NUP214: variants seen among roughly 807,000 people sequenced by gnomAD.
NUP214 encodes nuclear pore complex protein Nup214.
Under a neutral mutation model 196.2 loss-of-function variants are expected in NUP214, and 79 were observed. The observed-to-expected ratio is 0.40, with a 90% CI of 0.34 to 0.49. The LOEUF (loss-of-function observed/expected upper bound fraction) is 0.49. Among genes scored for constraint, NUP214 ranks in the 20% least tolerant of loss-of-function variants. NUP214 has a pLI of 0.58. For missense variants in NUP214, 2,468 were observed against 2,539.0 expected (o/e 0.97, Z 0.60); for synonymous variants, 1,020 against 990.5 (o/e 1.03, Z -0.56).
chr9:131,130,932 T>A, intron 5 of NUP214, 96 bp downstream of exon 5: 1 of 859,770 alleles, frequency 1.2e-6, no homozygotes, highest in African/African-American at 1.7e-5. Flanking sequence ...TATTAAAAAG[T>A]AATTTATACT....
rs1833872193 is a variant in NUP214 at position 131,198,908 on chromosome 9, C to G, written c.5414C>G (p.Ala1805Gly). 2 of 1,614,188 alleles carry G rather than the reference C, an allele frequency of 1.2e-6. No homozygotes were observed. The highest frequency in any genetic ancestry group is 4.5e-5 in the East Asian group (2 of 44,888). ...GGLFGQSNAP[A>G]FGQSPGFGQG... The stretch of plus-strand genomic sequence containing the variant: ...CTGTTTGGCCAAAGCAACGCTCCTG[C>G]TTTTGGGCAGAGTCCTGGCTTTGGA... The change falls in exon 29 of 36, where the codon GCT (alanine) becomes GGT (glycine). Residue 1805 changes from alanine to glycine, a missense_variant. Transcript: ENST00000359428.
chr9:131,212,091 G>C (rs1276709126), intron 30 of NUP214, among the ~76,000 whole-genome samples: 1 of 152,148 alleles, frequency 6.6e-6, no homozygotes, highest in Non-Finnish European at 1.5e-5. Context: ...GGCCACTCTA[G>C]GAGTGTCTGT....
At chr9:131,148,118 C>T (rs1307255154) in intron 14 of NUP214, among the ~76,000 whole-genome samples, 1 of 152,186 alleles carries the variant, frequency 6.6e-6, no homozygotes. Context: ...ACCCGGGAGG[C>T]GGAGGCCAGA....
At position 131,234,545 on chromosome 9, in the gene NUP214, G is replaced by A. The variant is rs1834960995; in HGVS notation, c.*1058G>A. The A allele has an allele frequency of 4.3e-6, 1 of 231,924 alleles. No homozygotes were observed. Among genetic ancestry groups the A allele is most frequent in the South Asian group, 1.8e-4 (1 of 5,524 alleles). The allele number at this position is 231,924 out of a possible 1,614,324, so 14.4% of individuals were successfully genotyped here. A position where few individuals can be genotyped will look rare whatever the true frequency, so the allele number is the denominator to read the frequency against. On this transcript the variant is annotated 3_prime_UTR_variant, in exon 36 of 36. Coordinates refer to ENST00000359428, the MANE Select transcript of NUP214 (RefSeq NM_005085.4). ...TCTCTTTCAGGCCCAGAATCTGACAGTGCTTTGGCTTGGGTCATGAGCAGC... is the reference window on the plus strand; with the variant it reads ...TCTCTTTCAGGCCCAGAATCTGACAATGCTTTGGCTTGGGTCATGAGCAGC...
chr9:131,214,364 C>T (rs1020711469), intron 30 of NUP214, among the ~76,000 whole-genome samples: 2 of 152,170 alleles, frequency 1.3e-5, no homozygotes, highest in African/African-American at 4.8e-5. Context: ...GTAATTCACT[C>T]TCCGCTGTGT....
At chr9:131,164,178 T>A in intron 21 of NUP214, 34 bp downstream of exon 21, 1 of 1,598,896 alleles carries the variant, frequency 6.3e-7, no homozygotes, top group Non-Finnish European at 8.6e-7. Flanking sequence ...CTGTACATAG[T>A]GATAGGGTGT....
intron 24 of NUP214, among the ~76,000 whole-genome samples, chr9:131,182,432 T>C (rs540644759): frequency 2.0e-5 from 3 of 152,346 alleles, no homozygotes; most frequent in African/African-American, 7.2e-5. Flanking sequence ...CTATTGTGAA[T>C]TGCACATGCA....
chr9:131,201,600 G>T (rs1458095918), intron 29 of NUP214, 47 bp from the exon 30 acceptor site: 9 of 1,371,206 alleles, frequency 6.6e-6, no homozygotes, highest in Admixed American at 1.7e-5. Flanking sequence ...TGTTGTAAAA[G>T]ACTCATCCAA....
At position 131,234,019 on chromosome 9, in the gene NUP214, G is replaced by A. The variant is rs1834949804; in HGVS notation, c.*532G>A. ...AGGACGCACTCTGCGATTGAGTGGA[G>A]GCAGAGGAAGCCACTCATGCCAGCA... On this transcript the variant is annotated 3_prime_UTR_variant, in exon 36 of 36. Transcript: ENST00000359428. 3.9e-6 allele frequency: 1 copy of A among 256,456 alleles called. No homozygotes were observed. The allele number at this position is 256,456 out of a possible 1,614,324, so 15.9% of individuals were successfully genotyped here.
intron 6 of NUP214, 121 bp downstream of exon 6, chr9:131,132,780 C>A: frequency 1.2e-6 from 1 of 861,410 alleles, no homozygotes; most frequent in South Asian, 1.6e-5. Flanking sequence ...TGAATAATGT[C>A]ACTATTTCAA....
intron 32 of NUP214, among the ~76,000 whole-genome samples, chr9:131,227,781 A>G (rs962230929): frequency 2.0e-5 from 3 of 152,064 alleles, no homozygotes; most frequent in Non-Finnish European, 2.9e-5. Context: ...TTTCACTCCA[A>G]ACAGCTCAGA....
At chr9:131,156,932 A>G (rs2133534979) in intron 17 of NUP214, among the ~76,000 whole-genome samples, 1 of 152,224 alleles carries the variant, frequency 6.6e-6, no homozygotes, top group African/African-American at 2.4e-5. Flanking sequence ...CATTATCTCC[A>G]TTTGTAGACA....
At chr9:131,194,779 A>C (rs1004985933) in intron 27 of NUP214, among the ~76,000 whole-genome samples, 7 of 152,148 alleles carry the variant, frequency 4.6e-5, no homozygotes, top group South Asian at 2.1e-4. Flanking sequence ...GCTCTCTGAC[A>C]TGCTTGTTGG....
intron 30 of NUP214, among the ~76,000 whole-genome samples, chr9:131,202,385 G>A (rs988387430): frequency 5.3e-5 from 8 of 151,530 alleles, no homozygotes; most frequent in African/African-American, 1.7e-4. Flanking sequence ...ATATATGTGT[G>A]TACACACACA....
At chr9:131,227,478 AT>A (rs1834752965) in intron 32 of NUP214, among the ~76,000 whole-genome samples, 1 of 151,894 alleles carries the variant, frequency 6.6e-6, no homozygotes, top group African/African-American at 2.4e-5. Context: ...GGAAAAAAGC[AT>A]TTAAAAAAAA....
Position 131,132,115 on chromosome 9 carries a change from C to CTTTT in NUP214, c.664-478_664-477insTTTT, listed in dbSNP as rs142450352. Among the ~76,000 whole-genome samples the CTTTT allele has an allele frequency of 2.7e-3, 294 of 108,096 alleles. 21 individuals carry two copies. Among genetic ancestry groups the CTTTT allele is most frequent in the Non-Finnish European group, 3.0e-3 (165 of 54,790 alleles). 70.9% of individuals were successfully genotyped at this position (108,096 alleles called of 152,430 possible). ...TGCGTTCATGCGTTTCTTTTCTTTTCTTTCTTTTTTTTTTTTTTTTGGAGA... is the reference window on the plus strand; with the variant it reads ...TGCGTTCATGCGTTTCTTTTCTTTTCTTTTTTTCTTTTTTTTTTTTTTTTGGAGA... On this transcript the variant is annotated intron_variant, in intron 5 of 35. Coordinates refer to ENST00000359428, the MANE Select transcript of NUP214 (RefSeq NM_005085.4).
chr9:131,151,654 GA>G, intron 16 of NUP214, 81 bp from the exon 17 acceptor site: 1 of 1,125,522 alleles, frequency 8.9e-7, no homozygotes, highest in East Asian at 2.5e-5. Flanking sequence ...GAGCGTTTGA[GA>G]AACACCACCT....
intron 32 of NUP214, among the ~76,000 whole-genome samples, chr9:131,225,102 GAA>G (rs987478385): frequency 2.6e-5 from 4 of 151,348 alleles, no homozygotes; most frequent in African/African-American, 9.7e-5. Context: ...ATCTCTAAAA[GAA>G]AAAAGGAAAA....
rs1328713159 is a variant in NUP214 at position 131,125,916 on chromosome 9, A to G, written c.45+167A>G. On this transcript the variant is annotated intron_variant, in intron 1 of 35. Transcript: ENST00000359428. This position sits in a 1 kb window ranked among gnomAD's most constrained non-coding sequence, Gnocchi z 4.1. The stretch of plus-strand genomic sequence containing the variant: ...GCCGCGCCGCTGGCGTGATAGCCCC[A>G]CCGAATGCAGTTTCCCAGTCCCATC... 1.3e-6 allele frequency: 1 copy of G among 789,866 alleles called. No individual in the cohort carries two copies. 48.9% of individuals were successfully genotyped at this position (789,866 alleles called of 1,614,324 possible). A position where few individuals can be genotyped will look rare whatever the true frequency, so the allele number is the denominator to read the frequency against.
Sources: gnomAD v4.1 joint callset for allele counts (sites outside exome capture counted in the v4.1 genomes callset) on GRCh38, gnomAD v4.1.1 for gene constraint, Gnocchi (gnomAD v3.1) non-coding constraint, MANE v1.5 for transcripts, NCBI Gene and HGNC (gene_info 2026-07-23, HGNC 2026-07-21) for gene names.